The following XRN2 variants were observed in gnomAD, a reference collection of about 807,000 sequenced individuals.
The protein encoded by XRN2 is DHM1-like protein.
A neutral mutation model predicts 138.5 loss-of-function variants in XRN2; 44 were observed. The observed-to-expected ratio is 0.32, with a 90% CI of 0.25 to 0.41. The LOEUF (loss-of-function observed/expected upper bound fraction) is 0.41. Ranked by LOEUF, XRN2 falls within the 10% of genes least tolerant of loss-of-function variation. The pLI, the probability that XRN2 is intolerant of heterozygous loss-of-function variation, is 1.00. For missense variants in XRN2, 937 were observed against 1,169.3 expected (o/e 0.80, Z 2.90); for synonymous variants, 354 against 369.4 (o/e 0.96, Z 0.48).
intron 24 of XRN2, among the ~76,000 whole-genome samples, chr20:21,358,485 T>G (rs2038600449): frequency 6.6e-6 from 1 of 152,194 alleles, no homozygotes. Context: ...AATCTTTAGG[T>G]AAGACTAAAG....
chr20:21,314,534 T>C (rs1568566582), intron 1 of XRN2, among the ~76,000 whole-genome samples: 1 of 152,238 alleles, frequency 6.6e-6, no homozygotes, highest in Non-Finnish European at 1.5e-5. Context: ...TTGCCCAGGC[T>C]GGAGTGCAAT....
intron 20 of XRN2, among the ~76,000 whole-genome samples, chr20:21,354,217 C>G (rs764096231): frequency 7.9e-5 from 12 of 152,096 alleles, no homozygotes; most frequent in Non-Finnish European, 1.8e-4. Context: ...CCCCTGCCCC[C>G]TAAGTTATTT....
rs372945648 is a variant in XRN2 at position 21,356,090 on chromosome 20, C to T, written c.2031C>T (p.Asn677=). 33 of 1,608,036 alleles carry T rather than the reference C, an allele frequency of 2.1e-5. No homozygotes were observed. The African/African-American group carries it at 2.5e-4, about 12-fold the overall frequency. The change falls in exon 22 of 30, where the codon AAC becomes AAT. Residue 677 remains asparagine (N), a synonymous_variant. Transcript: ENST00000377191. The part of the protein sequence containing the change: ...PDLTPEETRR[N]SLGGDVLFVG... ...TTTCTTTCTCCCTAGCCAGAAGAAA[C>T]AGCCTTGGAGGTGATGTCTTATTTG...
intron 28 of XRN2, among the ~76,000 whole-genome samples, chr20:21,386,096 T>C (rs1915347590): frequency 6.6e-6 from 1 of 152,250 alleles, no homozygotes; most frequent in Admixed American, 6.5e-5. Flanking sequence ...ATTTAGTACA[T>C]TATACCTGTT....
Position 21,326,395 on chromosome 20 carries a change from T to C in XRN2, c.192T>C (p.His64=). ...DMNGIIHPCT[H]PEDKPAPKNE... The stretch of plus-strand genomic sequence containing the variant: ...ATGGAATCATCCATCCCTGTACTCA[T>C]CCTGAAGACAAGTACGTAACCCATT... Residue 64 remains histidine, a synonymous_variant, in exon 2 of 30, where the codon CAT becomes CAC. Coordinates refer to ENST00000377191, the MANE Select transcript of XRN2 (RefSeq NM_012255.5). The C allele has an allele frequency of 6.2e-7, 1 of 1,613,842 alleles. No homozygotes were observed. Among genetic ancestry groups the C allele is most frequent in the Non-Finnish European group, 8.5e-7 (1 of 1,179,836 alleles).
intron 16 of XRN2, among the ~76,000 whole-genome samples, chr20:21,344,433 C>T (rs1262529444): frequency 6.6e-6 from 1 of 152,116 alleles, no homozygotes; most frequent in African/African-American, 2.4e-5. Flanking sequence ...TGCAGGCTTT[C>T]GTCCTCCAAT....
chr20:21,310,164 TAAA>T (rs1352033917), intron 1 of XRN2, among the ~76,000 whole-genome samples: 1 of 152,216 alleles, frequency 6.6e-6, no homozygotes, highest in East Asian at 1.9e-4. Flanking sequence ...TTCATCCACT[TAAA>T]AATATGTTCT....
intron 27 of XRN2, among the ~76,000 whole-genome samples, chr20:21,369,835 T>C (rs958457141): frequency 3.9e-5 from 6 of 152,220 alleles, no homozygotes; most frequent in Non-Finnish European, 7.3e-5. Context: ...TTCACTTTGC[T>C]GATTGTTTCC....
chr20:21,350,248 C>T (rs1009185962), intron 20 of XRN2, among the ~76,000 whole-genome samples: 8 of 152,036 alleles, frequency 5.3e-5, no homozygotes, highest in South Asian at 4.1e-4. Flanking sequence ...ATATCTTGGC[C>T]GGGCGCAGTG....
rs573619630 is a variant in XRN2 at position 21,323,872 on chromosome 20, T to TG, written c.76-2407_76-2406insG. The stretch of plus-strand genomic sequence containing the variant: ...GCCATGTCCATTCATGTTGTGTTGT[T>TG]TATGGTTGCTTTCACTCTTCAAAGG... On this transcript the variant is annotated intron_variant, in intron 1 of 29. Coordinates refer to ENST00000377191, the MANE Select transcript of XRN2 (RefSeq NM_012255.5). Among the ~76,000 whole-genome samples the TG allele has an allele frequency of 7.2e-5, 11 of 152,304 alleles. No individual in the cohort carries two copies. The South Asian group carries it at 2.1e-3, about 29-fold the overall frequency.
In XRN2 at chr20:21,326,416, C is replaced by T. The variant is rs376549093; in HGVS notation, c.203+10C>T. 5 of 1,613,332 alleles carry T rather than the reference C, an allele frequency of 3.1e-6. No homozygotes were observed. In the Admixed American group the frequency reaches 5.0e-5, roughly 16 times the overall value. ...CTCATCCTGAAGACAAGTACGTAAC[C>T]CATTTTTGTCACTGATATAGCAAAT... On this transcript the variant is annotated intron_variant, in intron 2 of 29. Transcript: ENST00000377191.
At chr20:21,359,909 A>G (rs1443426356) in intron 24 of XRN2, among the ~76,000 whole-genome samples, 1 of 150,650 alleles carries the variant, frequency 6.6e-6, no homozygotes, top group East Asian at 1.9e-4. Context: ...ATTTAAATAC[A>G]TCTAGTATCC....
chr20:21,360,201 T>G (rs1399666642), intron 24 of XRN2, among the ~76,000 whole-genome samples: 1 of 152,194 alleles, frequency 6.6e-6, no homozygotes, highest in African/African-American at 2.4e-5. Context: ...GCTTTTACTT[T>G]TTCAAGGCCT....
intron 13 of XRN2, among the ~76,000 whole-genome samples, chr20:21,337,041 C>T (rs2038304478): frequency 6.6e-6 from 1 of 152,176 alleles, no homozygotes; most frequent in Non-Finnish European, 1.5e-5. Flanking sequence ...GAGATGAACT[C>T]AGAAAGAAGA....
intron 3 of XRN2, among the ~76,000 whole-genome samples, chr20:21,327,137 A>G (rs2038139533): frequency 6.6e-6 from 1 of 152,144 alleles, no homozygotes; most frequent in South Asian, 2.1e-4. Flanking sequence ...CCACACTGAC[A>G]TGTTTTGGCA....
At chr20:21,355,338 C>T (rs2038562944) in intron 21 of XRN2, among the ~76,000 whole-genome samples, 1 of 152,102 alleles carries the variant, frequency 6.6e-6, no homozygotes, top group South Asian at 2.1e-4. Context: ...AATTTGTAAT[C>T]AATACTGACA....
chr20:21,375,924 C>T (rs563071303), intron 27 of XRN2, among the ~76,000 whole-genome samples: 134 of 151,874 alleles, frequency 8.8e-4, no homozygotes, highest in African/African-American at 3.0e-3. Context: ...CTGCAAGCTC[C>T]GCCTCCCGGG....
chr20:21,374,029 T>G (rs2038790978), intron 27 of XRN2, among the ~76,000 whole-genome samples: 1 of 152,192 alleles, frequency 6.6e-6, no homozygotes, highest in Admixed American at 6.5e-5. Flanking sequence ...CTTTTAAGTT[T>G]GAAATCATCA....
chr20:21,348,565 C>CAT (rs1168924202), intron 19 of XRN2, 135 bp downstream of exon 19: 1 of 766,272 alleles, frequency 1.3e-6, no homozygotes. Flanking sequence ...TCCAAACACA[C>CAT]ATATATTTCC....
Sources: allele counts gnomAD v4.1 joint callset (sites outside exome capture counted in the v4.1 genomes callset), GRCh38; gene constraint gnomAD v4.1.1; transcripts MANE v1.5; gene names NCBI Gene and HGNC (gene_info 2026-07-23, HGNC 2026-07-21).